The following DTD1 variants were observed in gnomAD, a reference collection of about 807,000 sequenced individuals.
DTD1 encodes D-tyrosyl-tRNA deacylase 1 homolog.
Under a neutral mutation model 25.6 loss-of-function variants are expected in DTD1, and 13 were observed. The observed-to-expected ratio is 0.51, with a 90% CI of 0.33 to 0.81. DTD1 has a LOEUF of 0.81. DTD1 is among the 30% of genes least tolerant of loss of function. DTD1 has a pLI of 0.02. For synonymous variants in DTD1, 110 were observed against 103.6 expected (o/e 1.06, Z -0.37); for missense variants, 193 against 266.4 (o/e 0.72, Z 1.92).
chr20:18,600,308 G>T (rs980324618), intron 3 of DTD1, among the ~76,000 whole-genome samples: 13 of 152,078 alleles, frequency 8.5e-5, no homozygotes, highest in African/African-American at 3.1e-4. Context: ...GTCTAGAGGC[G>T]CTTTTTTGTA....
rs113122533 is a variant in DTD1, at chr20:18,729,089, G to C, written c.478-15011G>C. On this transcript the variant is annotated intron_variant, in intron 4 of 5. Coordinates refer to ENST00000377452, the MANE Select transcript of DTD1 (RefSeq NM_080820.6). ...TGCAGTCACGGCTCACTGCAGCCTT[G>C]ACCTCCTGGACTCAAACCATCGTCC... Among the ~76,000 whole-genome samples the C allele has an allele frequency of 4.0e-3, 611 of 152,250 alleles. 6 individuals are homozygous for C. Among genetic ancestry groups the C allele is most frequent in the African/African-American group, 0.014 (579 of 41,554 alleles).
chr20:18,658,590 C>T (rs961951903), intron 4 of DTD1, among the ~76,000 whole-genome samples: 16 of 152,212 alleles, frequency 1.1e-4, no homozygotes, highest in African/African-American at 3.6e-4. Flanking sequence ...TTTCATTTCT[C>T]AATGTCTGTT....
rs142711331 is a variant in DTD1, at chr20:18,663,412, T to C, written c.477+35179T>C. On this transcript the variant is annotated intron_variant, in intron 4 of 5. Coordinates refer to ENST00000377452, the MANE Select transcript of DTD1 (RefSeq NM_080820.6). ...ACAGGTTATTAAGTACTTTGATCTA[T>C]GTTCTTACCAAAATGTATGGCTCAT... 5.0e-3 allele frequency among the ~76,000 whole-genome samples: 756 copies of C among 152,294 alleles called. 7 individuals are homozygous for C. Among genetic ancestry groups the C allele is most frequent in the African/African-American group, 0.018 (734 of 41,560 alleles).
At position 18,616,185 on chromosome 20, in the gene DTD1, G is replaced by C. The variant is rs137965906; in HGVS notation, c.371-11942G>C. Among the ~76,000 whole-genome samples the C allele has an allele frequency of 5.3e-4, 80 of 152,274 alleles. No homozygotes were observed. The East Asian group carries it at 0.015, about 28-fold the overall frequency. On this transcript the variant is annotated intron_variant, in intron 3 of 5. Coordinates refer to ENST00000377452, the MANE Select transcript of DTD1 (RefSeq NM_080820.6). ...TCTTGTGTAAAAGTTTGACACAGATGTCCAACTGATTTTGGCCAAATACAT... is the reference window on the plus strand; with the variant it reads ...TCTTGTGTAAAAGTTTGACACAGATCTCCAACTGATTTTGGCCAAATACAT...
intron 4 of DTD1, among the ~76,000 whole-genome samples, chr20:18,672,050 A>G (rs1465841748): frequency 6.6e-6 from 1 of 152,172 alleles, no homozygotes; most frequent in East Asian, 1.9e-4. Flanking sequence ...CCTGGGCAAC[A>G]TAGGGAGACC....
chr20:18,634,867 GC>G (rs2122325899), intron 4 of DTD1, among the ~76,000 whole-genome samples: 1 of 152,290 alleles, frequency 6.6e-6, no homozygotes, highest in South Asian at 2.1e-4. Flanking sequence ...CTACCAGGTG[GC>G]CCCATCACAG....
At chr20:18,754,501 T>G (rs550744312) in intron 5 of DTD1, among the ~76,000 whole-genome samples, 1 of 152,236 alleles carries the variant, frequency 6.6e-6, no homozygotes, top group African/African-American at 2.4e-5. Context: ...TCAGTAGCTC[T>G]TAGAGGGAGG....
chr20:18,602,086 G>C (rs1277241869), intron 3 of DTD1, among the ~76,000 whole-genome samples: 1 of 133,080 alleles, frequency 7.5e-6, no homozygotes, highest in South Asian at 2.6e-4. Flanking sequence ...TAAAGGAGCT[G>C]ATGGAGCTGA....
chr20:18,736,561 C>T (rs1044352376), intron 4 of DTD1, among the ~76,000 whole-genome samples: 2 of 152,214 alleles, frequency 1.3e-5, no homozygotes, highest in Non-Finnish European at 2.9e-5. Context: ...CCCTGTTGAT[C>T]TGGTGCTTTG....
chr20:18,682,599 T>C (rs1247220891), intron 4 of DTD1, among the ~76,000 whole-genome samples: 1 of 152,216 alleles, frequency 6.6e-6, no homozygotes, highest in East Asian at 1.9e-4. Flanking sequence ...CTGTAGTCTC[T>C]TTCTTGCTGG....
chr20:18,739,144 T>C (rs2061267815), intron 4 of DTD1, among the ~76,000 whole-genome samples: 1 of 152,210 alleles, frequency 6.6e-6, no homozygotes, highest in Non-Finnish European at 1.5e-5. Context: ...ATTGTCTTAC[T>C]CTTGGCCACT....
At chr20:18,659,951 C>A (rs528157071) in intron 4 of DTD1, among the ~76,000 whole-genome samples, 1 of 151,920 alleles carries the variant, frequency 6.6e-6, no homozygotes, top group African/African-American at 2.4e-5. Context: ...ATTTTTTTAC[C>A]AGCTGGGCAT....
chr20:18,707,934 C>T (rs961233761), intron 4 of DTD1, among the ~76,000 whole-genome samples: 2 of 151,068 alleles, frequency 1.3e-5, no homozygotes, highest in African/African-American at 4.9e-5. Flanking sequence ...GAGGGTGTGG[C>T]GTGAGGGGCA....
At chr20:18,664,763 G>T (rs2060925076) in intron 4 of DTD1, among the ~76,000 whole-genome samples, 1 of 152,202 alleles carries the variant, frequency 6.6e-6, no homozygotes, top group Non-Finnish European at 1.5e-5. Flanking sequence ...GAAGTGTGGG[G>T]TGTGTTGTGT....
chr20:18,737,309 G>A (rs547177706), intron 4 of DTD1, among the ~76,000 whole-genome samples: 8 of 152,224 alleles, frequency 5.3e-5, no homozygotes, highest in Admixed American at 5.2e-4. Flanking sequence ...TCCCTGGAGT[G>A]CCCCTGCCTT....
At chr20:18,708,709 C>T (rs1384503741) in intron 4 of DTD1, among the ~76,000 whole-genome samples, 1 of 152,014 alleles carries the variant, frequency 6.6e-6, no homozygotes, top group African/African-American at 2.4e-5. Context: ...TACCTCCTCA[C>T]AGATCTGCAC....
At chr20:18,697,089 A>T (rs1280380425) in intron 4 of DTD1, among the ~76,000 whole-genome samples, 1 of 151,750 alleles carries the variant, frequency 6.6e-6, no homozygotes, top group Admixed American at 6.6e-5. Flanking sequence ...AAAATTGTCC[A>T]GGCGTGGTGG....
At chr20:18,719,245 A>ATGTGTGTG (rs34218213) in intron 4 of DTD1, among the ~76,000 whole-genome samples, 21 of 149,174 alleles carry the variant, frequency 1.4e-4, no homozygotes, top group Non-Finnish European at 2.8e-4. Context: ...GTATATATAT[A>ATGTGTGTG]TGTGTGTGTG....
At chr20:18,606,927 T>TA (rs199918159) in intron 3 of DTD1, among the ~76,000 whole-genome samples, 2,886 of 144,346 alleles carry the variant, frequency 0.02, 45 homozygotes, top group Admixed American at 0.032. Context: ...TAAAGTATAA[T>TA]AAAAAAAAAA....
Sources: allele counts gnomAD v4.1 joint callset (sites outside exome capture counted in the v4.1 genomes callset), GRCh38; gene constraint gnomAD v4.1.1; transcripts MANE v1.5; gene names NCBI Gene and HGNC (gene_info 2026-07-23, HGNC 2026-07-21).